The following RNF168 variants were observed in gnomAD, a reference collection of about 807,000 sequenced individuals.
RNF168 encodes the protein ring finger protein 168, also known as E3 ubiquitin-protein ligase RNF168.
A neutral mutation model predicts 34.9 loss-of-function variants in RNF168; 34 were observed. The ratio of observed to expected loss-of-function variants is 0.97; its 90% CI spans 0.74 to 1.30. The LOEUF (loss-of-function observed/expected upper bound fraction) is 1.30, where lower values mean the gene tolerates loss of function less well. Among genes scored for constraint, RNF168 ranks in the 50% most tolerant of loss-of-function variants. RNF168 has a pLI of 0.00. For synonymous variants in RNF168, 264 were observed against 254.7 expected, an observed-to-expected ratio of 1.04 and a Z score of -0.35; for missense variants, 725 against 682.5, an observed-to-expected ratio of 1.06 and a Z score of -0.69.
chr3:196,473,341 T>G (rs988451884), intron 5 of RNF168, among the ~76,000 whole-genome samples: 7 of 152,192 alleles, frequency 4.6e-5, no homozygotes, highest in African/African-American at 1.7e-4. Flanking sequence ...AAGGAACAAT[T>G]TATGTTGTAA....
chr3:196,485,299 G>C (rs1732395657), intron 3 of RNF168, among the ~76,000 whole-genome samples: 1 of 152,086 alleles, frequency 6.6e-6, no homozygotes, highest in Admixed American at 6.6e-5. Context: ...CATGAGGCCA[G>C]GAGTTCAAGA....
Position 196,503,003 on chromosome 3 carries a change from C to G in RNF168, c.171G>C (p.Arg57=). The change falls in exon 1 of 6, where the codon CGG becomes CGC. Residue 57 remains arginine, a synonymous_variant. Coordinates refer to ENST00000318037, the MANE Select transcript of RNF168 (RefSeq NM_152617.4). The stretch of plus-strand genomic sequence containing the variant: ...TATGGTACCGAGTCCACGACGATAC[C>G]CGGCGGCGACAGAAGGGACAGCATA... ...ASLCCPFCRR[R]VSSWTRYHTR... 1 of 1,613,998 alleles carries G rather than the reference C, an allele frequency of 6.2e-7. No individual in the cohort carries two copies. Among genetic ancestry groups the G allele is most frequent in the Non-Finnish European group, 8.5e-7 (1 of 1,179,994 alleles).
At chr3:196,493,327 C>T (rs186033855) in intron 1 of RNF168, among the ~76,000 whole-genome samples, 1 of 152,190 alleles carries the variant, frequency 6.6e-6, no homozygotes, top group Non-Finnish European at 1.5e-5. Flanking sequence ...TATTCAACTG[C>T]AGACACAAGT....
chr3:196,502,064 A>G lies in RNF168; in HGVS notation c.301+809T>C, dbSNP rs865987005. Among the ~76,000 whole-genome samples, 303 of 138,568 alleles carry G rather than the reference A, an allele frequency of 2.2e-3. 1 individual carries two copies. The highest frequency in any genetic ancestry group is 7.7e-3 in the African/African-American group (284 of 36,932). 90.9% of individuals were successfully genotyped at this position (138,568 alleles called of 152,430 possible). ...GACCAAAAAAAATTAGAAAAAAAAA[A>G]AAAAAAAAAAAAAAAAAGACCTGTC... On this transcript the variant is annotated intron_variant, in intron 1 of 5. Transcript: ENST00000318037.
chr3:196,475,024 A>G (rs1732108928), intron 5 of RNF168: 1 of 541,950 alleles, frequency 1.8e-6, no homozygotes, highest in South Asian at 2.1e-5. Flanking sequence ...TTAGAGAAAA[A>G]CTTTGCTTTT....
intron 5 of RNF168, chr3:196,474,811 G>A (rs1732104469): frequency 4.9e-6 from 1 of 205,054 alleles, no homozygotes; most frequent in Admixed American, 5.3e-5. Flanking sequence ...TGTGAGTTTG[G>A]ATTACATAGG....
intron 3 of RNF168, among the ~76,000 whole-genome samples, chr3:196,484,520 C>T (rs1302455407): frequency 2.3e-5 from 3 of 128,634 alleles, no homozygotes; most frequent in Non-Finnish European, 3.2e-5. Flanking sequence ...CTCACTCTGT[C>T]GCCGAGGCTG....
rs1732483157 is a variant in RNF168 at position 196,487,444 on chromosome 3, T to C, written c.513A>G (p.Gln171=). Residue 171 remains glutamine, a synonymous_variant, in exon 3 of 6, where the codon CAA becomes CAG. Transcript: ENST00000318037. The part of the protein sequence containing the change: ...AEKRRRAMEE[Q]LKSDEELARK... ...TTGCCAGTTCCTCATCACTTTTCAG[T>C]TGTTCTTCCATCGCTCTTCGCCTTT... is the stretch of plus-strand genomic sequence containing the variant. 1.2e-6 allele frequency: 2 copies of C among 1,614,202 alleles called. No individual in the cohort carries two copies. Among genetic ancestry groups the C allele is most frequent in the Non-Finnish European group, 1.7e-6 (2 of 1,180,014 alleles).
Position 196,503,182 on chromosome 3 carries a change from G to A in RNF168, c.-9C>T, listed in dbSNP as rs781144034. 1.2e-6 allele frequency: 2 copies of A among 1,613,246 alleles called. No homozygotes were observed. The highest frequency in any genetic ancestry group is 1.3e-5 in the African/African-American group (1 of 75,002). On this transcript the variant is annotated 5_prime_UTR_variant, in exon 1 of 6. Coordinates refer to ENST00000318037, the MANE Select transcript of RNF168 (RefSeq NM_152617.4). ...TCTTTGGGTAGAGCCATTTCAATAT[G>A]TTAGTAAAGCCGACTAAACAACGAC...
chr3:196,495,972 T>C (rs1450549440), intron 1 of RNF168, among the ~76,000 whole-genome samples: 1 of 152,228 alleles, frequency 6.6e-6, no homozygotes, highest in African/African-American at 2.4e-5. Context: ...CTATCTCATA[T>C]GTGCTTTCTT....
chr3:196,496,049 G>A (rs1732736397), intron 1 of RNF168, among the ~76,000 whole-genome samples: 1 of 151,868 alleles, frequency 6.6e-6, no homozygotes, highest in Non-Finnish European at 1.5e-5. Flanking sequence ...TGTATTATGT[G>A]TTAACAAAGT....
chr3:196,477,585 ATTCT>A (rs1732179536), intron 4 of RNF168, among the ~76,000 whole-genome samples: 4 of 152,190 alleles, frequency 2.6e-5, no homozygotes, highest in South Asian at 4.1e-4. Flanking sequence ...AGGCTGAAGA[ATTCT>A]TTCTGTCAAT....
rs79726625 is a variant in RNF168 at position 196,501,879 on chromosome 3, T to A, written c.301+994A>T. 8.1e-3 allele frequency among the ~76,000 whole-genome samples: 1,238 copies of A among 152,084 alleles called. 33 individuals carry two copies. Among genetic ancestry groups the A allele is most frequent in the South Asian group, 0.071 (341 of 4,804 alleles). On this transcript the variant is annotated intron_variant, in intron 1 of 5. Coordinates refer to ENST00000318037, the MANE Select transcript of RNF168 (RefSeq NM_152617.4). ...GCGCTGGGATTACAGCTGTGAGCCA[T>A]CGCTCCCGGCCAACCGCACACTTTT...
chr3:196,501,520 CAT>C (rs1346274304), intron 1 of RNF168, among the ~76,000 whole-genome samples: 1 of 152,000 alleles, frequency 6.6e-6, no homozygotes, highest in East Asian at 1.9e-4. Context: ...TGGCCAGATT[CAT>C]AGAGACAGAA....
chr3:196,473,860 G>A (rs1034072727), intron 5 of RNF168, among the ~76,000 whole-genome samples: 10 of 152,160 alleles, frequency 6.6e-5, no homozygotes, highest in African/African-American at 2.4e-4. Flanking sequence ...CCTAGTGTTT[G>A]GAAGATAAAG....
intron 1 of RNF168, among the ~76,000 whole-genome samples, chr3:196,496,942 C>T (rs910552843): frequency 1.3e-5 from 2 of 152,120 alleles, no homozygotes; most frequent in African/African-American, 2.4e-5. Context: ...GTCAAGAGTT[C>T]GAGACCAGCC....
At chr3:196,479,029 G>T (rs1399196808) in intron 4 of RNF168, among the ~76,000 whole-genome samples, 2 of 140,896 alleles carry the variant, frequency 1.4e-5, no homozygotes, top group African/African-American at 5.3e-5. Context: ...ATTTTTTTTT[G>T]AGACGGCGTC....
chr3:196,502,575 G>A (rs1031009259), intron 1 of RNF168, among the ~76,000 whole-genome samples: 8 of 150,080 alleles, frequency 5.3e-5, no homozygotes, highest in Non-Finnish European at 1.2e-4. Context: ...AGGACGGAGC[G>A]AGATCCTGTC....
intron 4 of RNF168, among the ~76,000 whole-genome samples, chr3:196,478,882 G>C (rs1276505855): frequency 6.7e-6 from 1 of 150,368 alleles, no homozygotes; most frequent in Non-Finnish European, 1.5e-5. Flanking sequence ...CCTGACCTCA[G>C]AAGTATTGTA....
Sources: allele counts gnomAD v4.1 joint callset (sites outside exome capture counted in the v4.1 genomes callset), GRCh38; gene constraint gnomAD v4.1.1; transcripts MANE v1.5; gene names NCBI Gene and HGNC (gene_info 2026-07-23, HGNC 2026-07-21).